Variants in NAALADL2 observed in about 807,000 individuals in gnomAD.
The protein encoded by NAALADL2 is inactive N-acetylated-alpha-linked acidic dipeptidase-like protein 2.
In NAALADL2, 76 loss-of-function variants were observed where a neutral mutation model predicts 87.2. The ratio of observed to expected loss-of-function variants is 0.87; its 90% CI spans 0.72 to 1.05. NAALADL2 has a LOEUF of 1.05. Among genes scored for constraint, NAALADL2 ranks in the 50% least tolerant of loss-of-function variants. NAALADL2 has a pLI of 0.00. For synonymous variants in NAALADL2, 354 were observed against 331.0 expected (o/e 1.07, Z -0.75); for missense variants, 1,089 against 945.8 (o/e 1.15, Z -1.99).
chr3:175,421,746 A>G (rs1035300764), intron 5 of NAALADL2, among the ~76,000 whole-genome samples: 36 of 152,122 alleles, frequency 2.4e-4, no homozygotes, highest in Non-Finnish European at 4.7e-4. Flanking sequence ...TATGAAAAAA[A>G]CTAAAGCAGA....
intron 1 of NAALADL2, among the ~76,000 whole-genome samples, chr3:175,009,769 T>C (rs939838000): frequency 6.6e-6 from 1 of 152,112 alleles, no homozygotes; most frequent in Non-Finnish European, 1.5e-5. Flanking sequence ...AAAAATTCAA[T>C]AGGAATATTG....
At chr3:174,851,854 C>T (rs907876629) in intron 3 of NAALADL2, among the ~76,000 whole-genome samples, 2 of 151,982 alleles carry the variant, frequency 1.3e-5, no homozygotes, top group Non-Finnish European at 2.9e-5. Context: ...CTGAATTCAA[C>T]AACACATTAA....
chr3:174,544,620 G>A (rs1257458932), intron 1 of NAALADL2, among the ~76,000 whole-genome samples: 1 of 138,654 alleles, frequency 7.2e-6, no homozygotes, highest in Non-Finnish European at 1.5e-5. Context: ...AGGCTGGAGT[G>A]CAGTGGTGCA....
chr3:175,312,914 G>A (rs1000035695), intron 4 of NAALADL2, among the ~76,000 whole-genome samples: 1 of 152,120 alleles, frequency 6.6e-6, no homozygotes, highest in African/African-American at 2.4e-5. Context: ...GTATAGTTTG[G>A]CACATATTTG....
intron 2 of NAALADL2, among the ~76,000 whole-genome samples, chr3:174,733,807 T>A (rs980348943): frequency 6.6e-6 from 1 of 152,180 alleles, no homozygotes; most frequent in African/African-American, 2.4e-5. Flanking sequence ...GGAAGAAATG[T>A]CACAATGTGT....
At chr3:175,740,079 A>G (rs567325839) in intron 12 of NAALADL2, among the ~76,000 whole-genome samples, 1 of 152,152 alleles carries the variant, frequency 6.6e-6, no homozygotes, top group South Asian at 2.1e-4. Context: ...AGAAACTGGG[A>G]TAAAGGTACA....
intron 2 of NAALADL2, among the ~76,000 whole-genome samples, chr3:174,668,339 A>G (rs1578483347): frequency 6.6e-6 from 1 of 152,002 alleles, no homozygotes; most frequent in South Asian, 2.1e-4. Context: ...ATGTCCTTCA[A>G]TGCCCAGAAG....
intron 4 of NAALADL2, among the ~76,000 whole-genome samples, chr3:175,312,973 T>C (rs1278896391): frequency 6.6e-6 from 1 of 152,172 alleles, no homozygotes. Context: ...TAAAATACCA[T>C]AGACTGGGCG....
intron 10 of NAALADL2, among the ~76,000 whole-genome samples, chr3:175,585,456 T>A (rs1244245320): frequency 6.6e-6 from 1 of 152,210 alleles, no homozygotes; most frequent in African/African-American, 2.4e-5. Flanking sequence ...TGTTTTAGCT[T>A]TGGCCATTCT....
chr3:175,099,663 G>A (rs1721779362), intron 2 of NAALADL2, among the ~76,000 whole-genome samples: 1 of 151,902 alleles, frequency 6.6e-6, no homozygotes, highest in South Asian at 2.1e-4. Context: ...GCTCTTACTG[G>A]CCCACTATTT....
At chr3:175,422,544 C>T (rs1715877829) in intron 5 of NAALADL2, among the ~76,000 whole-genome samples, 1 of 151,916 alleles carries the variant, frequency 6.6e-6, no homozygotes. Flanking sequence ...ACAAAATCCT[C>T]CGCCAACCTA....
intron 3 of NAALADL2, among the ~76,000 whole-genome samples, chr3:174,816,965 A>G (rs998030182): frequency 6.6e-6 from 1 of 152,218 alleles, no homozygotes; most frequent in Non-Finnish European, 1.5e-5. Context: ...CATCATTAAT[A>G]ATACAAAATT....
At chr3:175,171,402 T>A (rs1734783829) in intron 2 of NAALADL2, among the ~76,000 whole-genome samples, 1 of 152,050 alleles carries the variant, frequency 6.6e-6, no homozygotes, top group Non-Finnish European at 1.5e-5. Context: ...TTAAGTCTCC[T>A]GTCATTTGAT....
At chr3:175,706,123 G>A (rs1739669051) in intron 11 of NAALADL2, among the ~76,000 whole-genome samples, 1 of 152,078 alleles carries the variant, frequency 6.6e-6, no homozygotes, top group Non-Finnish European at 1.5e-5. Context: ...GAGTGAATGG[G>A]AAGAGATACA....
chr3:175,412,891 TTTATTATTA>T (rs58135076), intron 5 of NAALADL2, among the ~76,000 whole-genome samples: 59 of 123,008 alleles, frequency 4.8e-4, no homozygotes, highest in African/African-American at 1.4e-3. Flanking sequence ...ATTTAATTTA[TTTATTATTA>T]TTATTATTAT....
chr3:175,449,442 C>G (rs1721212412), intron 6 of NAALADL2, among the ~76,000 whole-genome samples: 1 of 139,742 alleles, frequency 7.2e-6, no homozygotes. Flanking sequence ...GTCTCCCAGA[C>G]TGCAGTGCAG....
At chr3:174,847,775 G>T (rs1724796030) in intron 3 of NAALADL2, among the ~76,000 whole-genome samples, 1 of 150,396 alleles carries the variant, frequency 6.6e-6, no homozygotes, top group African/African-American at 2.5e-5. Context: ...TAAAATGCAT[G>T]CAATAAGTGC....
intron 1 of NAALADL2, among the ~76,000 whole-genome samples, chr3:175,046,944 G>A (rs1296330807): frequency 6.6e-6 from 1 of 152,144 alleles, no homozygotes; most frequent in Non-Finnish European, 1.5e-5. Flanking sequence ...TGAAGGCTGA[G>A]AAATCCAAGA....
In NAALADL2 at chr3:174,586,575, A is replaced by C. The variant is rs529678929; in HGVS notation, c.-115+35938A>C. Among the ~76,000 whole-genome samples, 198 of 152,308 alleles carry C rather than the reference A, an allele frequency of 1.3e-3. 2 individuals are homozygous for C. In the Middle Eastern group the frequency reaches 0.017, roughly 13 times the overall value. On this transcript the variant is annotated intron_variant, in intron 2 of 3. Coordinates refer to the NAALADL2 transcript ENST00000434257. Reference sequence around the variant, plus strand: ...TGCTGATGCCTTCAGGAAACATGTAATTTATGTAGCACTTTCACTTAACAT... The same window carrying C: ...TGCTGATGCCTTCAGGAAACATGTACTTTATGTAGCACTTTCACTTAACAT...
Sources: allele counts gnomAD v4.1 joint callset (sites outside exome capture counted in the v4.1 genomes callset), GRCh38; gene constraint gnomAD v4.1.1; transcripts MANE v1.5; gene names NCBI Gene and HGNC (gene_info 2026-07-23, HGNC 2026-07-21).